The following GRB10 variants were observed in gnomAD, a reference collection of about 807,000 sequenced individuals.
GRB10 encodes growth factor receptor-bound protein 10.
A neutral mutation model predicts 80.9 loss-of-function variants in GRB10; 20 were observed. That is an observed-to-expected ratio of 0.25 (90% CI 0.17 to 0.36). The LOEUF (loss-of-function observed/expected upper bound fraction) is 0.36, where lower values mean the gene tolerates loss of function less well. GRB10 is among the 10% of genes least tolerant of loss of function. The pLI is 1.00. For synonymous variants in GRB10, 291 were observed against 291.5 expected (o/e 1.00, Z 0.02); for missense variants, 548 against 747.7 (o/e 0.73, Z 3.12).
At chr7:50,759,888 C>T (rs1371119550) in intron 2 of GRB10, among the ~76,000 whole-genome samples, 6 of 152,088 alleles carry the variant, frequency 3.9e-5, no homozygotes, top group African/African-American at 1.2e-4. Flanking sequence ...GGGCAGAGCG[C>T]GGACACCCCG....
intron 12 of GRB10, 83 bp downstream of exon 12, chr7:50,614,687 C>T: frequency 1.2e-6 from 1 of 861,332 alleles, no homozygotes; most frequent in Non-Finnish European, 2.0e-6. Flanking sequence ...ATAGAAGCAA[C>T]AATCAAGTGC....
chr7:50,752,568 GCT>G (rs1241645022), intron 3 of GRB10, among the ~76,000 whole-genome samples: 3 of 152,182 alleles, frequency 2.0e-5, no homozygotes, highest in Non-Finnish European at 4.4e-5. Context: ...CCTTAGCCAA[GCT>G]CTGTGTCGCT....
chr7:50,697,626 C>T (rs895486400), intron 5 of GRB10, among the ~76,000 whole-genome samples: 1 of 152,196 alleles, frequency 6.6e-6, no homozygotes, highest in Admixed American at 6.5e-5. Context: ...AAGCTACAGC[C>T]TATGATGGCA....
At chr7:50,757,859 G>C (rs950646713) in intron 2 of GRB10, among the ~76,000 whole-genome samples, 3 of 152,158 alleles carry the variant, frequency 2.0e-5, no homozygotes, top group Admixed American at 1.3e-4. Flanking sequence ...CAAATGCCCA[G>C]GACCACTTCC....
intron 1 of GRB10, among the ~76,000 whole-genome samples, chr7:50,789,448 C>T (rs2078823892): frequency 6.6e-6 from 1 of 152,190 alleles, no homozygotes; most frequent in African/African-American, 2.4e-5. Flanking sequence ...TCCATTTTAA[C>T]GGATCAAGTT....
intron 7 of GRB10, among the ~76,000 whole-genome samples, chr7:50,656,892 T>C (rs1349276613): frequency 6.6e-6 from 1 of 152,180 alleles, no homozygotes; most frequent in Non-Finnish European, 1.5e-5. Context: ...AACCTTTTAG[T>C]AGGAATCTGA....
chr7:50,633,783 T>C (rs541246305), intron 7 of GRB10, among the ~76,000 whole-genome samples: 6 of 152,162 alleles, frequency 3.9e-5, no homozygotes, highest in East Asian at 3.9e-4. Flanking sequence ...GCTTCAACAA[T>C]AGAGTAGACC....
chr7:50,644,154 C>T (rs1210374070), intron 7 of GRB10, among the ~76,000 whole-genome samples: 4 of 152,134 alleles, frequency 2.6e-5, no homozygotes, highest in African/African-American at 7.2e-5. Context: ...ATATTTATGT[C>T]CAAAACACTC....
At chr7:50,599,591 T>C (rs2047251842) in intron 17 of GRB10, among the ~76,000 whole-genome samples, 1 of 152,194 alleles carries the variant, frequency 6.6e-6, no homozygotes, top group African/African-American at 2.4e-5. Context: ...ATGACAGCCT[T>C]GGAGACGAGG....
At chr7:50,727,594 C>T (rs1054959489) in intron 4 of GRB10, among the ~76,000 whole-genome samples, 12 of 152,272 alleles carry the variant, frequency 7.9e-5, no homozygotes, top group Middle Eastern at 3.4e-3. Context: ...AGCCAGTTAA[C>T]AGCAATTTGC....
At chr7:50,759,156 G>A (rs1227793060) in intron 2 of GRB10, among the ~76,000 whole-genome samples, 4 of 146,748 alleles carry the variant, frequency 2.7e-5, no homozygotes, top group African/African-American at 1.0e-4. Flanking sequence ...TCACACCAAT[G>A]CACTCCAGCC....
intron 2 of GRB10, among the ~76,000 whole-genome samples, chr7:50,776,374 C>A (rs563154495): frequency 1.4e-5 from 2 of 145,878 alleles, no homozygotes; most frequent in African/African-American, 5.5e-5. Context: ...CACCACACTC[C>A]GCTAATTTTT....
At chr7:50,630,070 C>T (rs754726788) in intron 7 of GRB10, among the ~76,000 whole-genome samples, 18 of 152,324 alleles carry the variant, frequency 1.2e-4, no homozygotes, top group Middle Eastern at 3.4e-3. Flanking sequence ...AGTTCTATCC[C>T]GGCTTAGCCT....
At chr7:50,735,868 GA>G (rs377618771) in intron 3 of GRB10, among the ~76,000 whole-genome samples, 1 of 150,968 alleles carries the variant, frequency 6.6e-6, no homozygotes, top group African/African-American at 2.4e-5. Flanking sequence ...TAAACTACAG[GA>G]AAAAAAACAA....
intron 13 of GRB10, among the ~76,000 whole-genome samples, chr7:50,610,370 G>A (rs978659353): frequency 6.6e-6 from 1 of 152,200 alleles, no homozygotes; most frequent in Admixed American, 6.5e-5. Context: ...GACCGGCCCC[G>A]AGGCCATCAC....
intron 4 of GRB10, chr7:50,705,336 AAATAAAACG>A (rs2064887917): frequency 1.0e-6 from 1 of 981,752 alleles, no homozygotes; most frequent in Admixed American, 6.2e-5. Flanking sequence ...GGAGAAAACA[AAATAAAACG>A]AACAAAGCCC....
intron 7 of GRB10, among the ~76,000 whole-genome samples, chr7:50,645,881 T>C (rs552047738): frequency 6.6e-6 from 1 of 152,326 alleles, no homozygotes; most frequent in Admixed American, 6.5e-5. Flanking sequence ...TGCGAGGAAC[T>C]GCAGAGTCCT....
intron 4 of GRB10, among the ~76,000 whole-genome samples, chr7:50,704,507 A>C (rs1395250063): frequency 2.6e-5 from 4 of 152,218 alleles, no homozygotes; most frequent in Non-Finnish European, 5.9e-5. Flanking sequence ...GGAAAGAAAT[A>C]TTATCAGTGA....
At chr7:50,594,315 C>A (rs190744851) in intron 18 of GRB10, among the ~76,000 whole-genome samples, 2 of 152,142 alleles carry the variant, frequency 1.3e-5, no homozygotes, top group African/African-American at 4.8e-5. Flanking sequence ...AAAGACAGTG[C>A]GTGGCACACT....
Sources: gnomAD v4.1 joint callset for allele counts (sites outside exome capture counted in the v4.1 genomes callset) on GRCh38, gnomAD v4.1.1 for gene constraint, MANE v1.5 for transcripts, NCBI Gene and HGNC (gene_info 2026-07-23, HGNC 2026-07-21) for gene names.